Variants in EBF4 observed in about 807,000 individuals in gnomAD.
EBF4 encodes transcription factor COE4.
A neutral mutation model predicts 67.1 loss-of-function variants in EBF4; 34 were observed. That is an observed-to-expected ratio of 0.51 (90% confidence interval 0.39 to 0.67). The LOEUF is 0.67. EBF4 is among the 30% of genes least tolerant of loss of function. The pLI is 0.00. For missense variants in EBF4, 837 were observed against 873.3 expected (o/e 0.96, Z 0.52); for synonymous variants, 387 against 377.7 (o/e 1.02, Z -0.29).
chr20:2,694,199 G>A (rs1260665713), intron 1 of EBF4, among the ~76,000 whole-genome samples: 1 of 152,224 alleles, frequency 6.6e-6, no homozygotes, highest in Non-Finnish European at 1.5e-5. Context: ...GGAAAGGCAC[G>A]AAACCCAGCC....
At chr20:2,695,360 A>G (rs1397932546) in intron 1 of EBF4, among the ~76,000 whole-genome samples, 2 of 152,134 alleles carry the variant, frequency 1.3e-5, no homozygotes, top group African/African-American at 4.8e-5. Flanking sequence ...CGTGGGGTTC[A>G]AGAAGTGTGG....
Position 2,709,605 on chromosome 20 carries a change from C to G in EBF4, c.520C>G (p.Arg174Gly). ...CTGTGACCGGAAGAGCTGTGGCAACCGGAATGAGACGCCCTCAGACCCCGT... is the reference window on the plus strand; with the variant it reads ...CTGTGACCGGAAGAGCTGTGGCAACGGGAATGAGACGCCCTCAGACCCCGT... The change falls in exon 6 of 17, where the codon CGG becomes GGG. Residue 174 changes from arginine to glycine, a missense_variant. By Grantham distance (125) the Arg-to-Gly change is moderately radical. Coordinates refer to ENST00000609451, the Ensembl canonical transcript of EBF4. 6.4e-7 allele frequency: 1 copy of G among 1,557,108 alleles called. No homozygotes were observed. The highest frequency in any genetic ancestry group is 1.2e-5 in the South Asian group (1 of 84,672).
At chr20:2,701,348 C>T (rs778508972) in intron 1 of EBF4, among the ~76,000 whole-genome samples, 1 of 152,218 alleles carries the variant, frequency 6.6e-6, no homozygotes, top group Non-Finnish European at 1.5e-5. Context: ...CCAGAGACCC[C>T]AGGGGAACCT....
At chr20:2,757,768 A>G (rs2088267387) in intron 15 of EBF4, among the ~76,000 whole-genome samples, 1 of 152,174 alleles carries the variant, frequency 6.6e-6, no homozygotes, top group Admixed American at 6.6e-5. Context: ...GCAAGATGGC[A>G]AAACCTCGTC....
intron 6 of EBF4, among the ~76,000 whole-genome samples, chr20:2,730,541 C>T (rs1448587067): frequency 6.6e-6 from 1 of 152,208 alleles, no homozygotes; most frequent in Non-Finnish European, 1.5e-5. Context: ...GGCCACCATT[C>T]AACTCACTAC....
intron 6 of EBF4, among the ~76,000 whole-genome samples, chr20:2,714,849 T>A (rs1181250658): frequency 6.6e-6 from 1 of 152,194 alleles, no homozygotes; most frequent in Non-Finnish European, 1.5e-5. Context: ...CCTTTATCAC[T>A]CCAATATTAT....
exon 13 of EBF4, chr20:2,752,181 A>G: frequency 1.4e-6 from 2 of 1,433,062 alleles, no homozygotes; most frequent in Non-Finnish European, 9.1e-7. Context: ...CGAGCCACCC[A>G]CACCCCGCCG....
intron 1 of EBF4, among the ~76,000 whole-genome samples, chr20:2,703,237 A>G (rs1030599994): frequency 2.0e-4 from 29 of 146,024 alleles, no homozygotes; most frequent in Admixed American, 1.7e-3. Flanking sequence ...AGCCTGGACA[A>G]CAGAGCAAGA....
chr20:2,708,166 A>G lies in EBF4; in HGVS notation c.488+146A>G. On this transcript the variant is annotated intron_variant, in intron 5 of 16. Coordinates refer to ENST00000609451, the Ensembl canonical transcript of EBF4. ...AAGCCTGGTGGCAGGTGATGAAGGG[A>G]GTGGTGAGGCCCCTGGGCACAGCGC... The G allele has an allele frequency of 3.7e-6, 3 of 820,384 alleles. No homozygotes were observed. In the East Asian group the frequency reaches 8.6e-5, roughly 24 times the overall value. 50.8% of individuals were successfully genotyped at this position (820,384 alleles called of 1,614,324 possible).
At chr20:2,695,829 G>A (rs745948074) in intron 1 of EBF4, among the ~76,000 whole-genome samples, 3 of 151,934 alleles carry the variant, frequency 2.0e-5, no homozygotes, top group East Asian at 1.9e-4. Flanking sequence ...AAACTTTCAC[G>A]GAAGTGCTCT....
chr20:2,707,213 T>C lies in EBF4; in HGVS notation c.415-734T>C, dbSNP rs1370325558. Reference sequence around the variant, plus strand: ...TGGGGGAGGCAGGCCAGGCAGTGCCTAGTGGAACTGTCAAGGGGACGGGTG... The same window carrying C: ...TGGGGGAGGCAGGCCAGGCAGTGCCCAGTGGAACTGTCAAGGGGACGGGTG... On this transcript the variant is annotated intron_variant, in intron 4 of 16. Coordinates refer to ENST00000609451, the Ensembl canonical transcript of EBF4. This position sits in a 1 kb window ranked among gnomAD's most constrained non-coding sequence, Gnocchi z 4.6. Among the ~76,000 whole-genome samples the C allele has an allele frequency of 6.6e-6, 1 of 151,908 alleles. No individual in the cohort carries two copies. The highest frequency in any genetic ancestry group is 2.4e-5 in the African/African-American group (1 of 41,324).
chr20:2,707,826 T>A lies in EBF4; in HGVS notation c.415-121T>A, dbSNP rs2087479961. On this transcript the variant is annotated intron_variant, in intron 4 of 16. Transcript: ENST00000609451. The surrounding 1 kb of genome is among the most constrained non-coding windows in gnomAD (Gnocchi z 4.6). Reference sequence around the variant, plus strand: ...GCCCAGAGCAAGGCAGAGGGCGTGCTCTTCCCTGGGGCAGGGTCTCCCTGG... The same window carrying A: ...GCCCAGAGCAAGGCAGAGGGCGTGCACTTCCCTGGGGCAGGGTCTCCCTGG... The A allele has an allele frequency of 1.0e-6, 1 of 990,924 alleles. No individual in the cohort carries two copies. The highest frequency in any genetic ancestry group is 1.4e-6 in the Non-Finnish European group (1 of 695,268). 61.4% of individuals were successfully genotyped at this position (990,924 alleles called of 1,614,324 possible). A position where few individuals can be genotyped will look rare whatever the true frequency, so the allele number is the denominator to read the frequency against.
At chr20:2,706,184 A>G (rs376796954) in intron 3 of EBF4, 25 bp from the exon 4 acceptor site, 3 of 1,552,064 alleles carry the variant, frequency 1.9e-6, no homozygotes, top group South Asian at 1.2e-5. Flanking sequence ...CCCAGCAGCA[A>G]GCCCTCTCCA....
Position 2,717,841 on chromosome 20 carries a change from C to T in EBF4, c.557+8199C>T, listed in dbSNP as rs371735529. On this transcript the variant is annotated intron_variant, in intron 6 of 16. Coordinates refer to ENST00000609451, the Ensembl canonical transcript of EBF4. ...TTTTTTTTTTTTTGAGACAGAGTCT[C>T]GCTCTGTCGCTCAGGCTGGAGTGCA... Among the ~76,000 whole-genome samples, 227 of 148,982 alleles carry T rather than the reference C, an allele frequency of 1.5e-3. 1 individual carries two copies. The highest frequency in any genetic ancestry group is 5.4e-3 in the African/African-American group (217 of 40,022).
rs2088063630 is a variant in EBF4, at chr20:2,747,287, ACT to A, written c.558-1259_558-1258del. Among the ~76,000 whole-genome samples the A allele has an allele frequency of 6.7e-6, 1 of 148,294 alleles. No individual in the cohort carries two copies. Among genetic ancestry groups the A allele is most frequent in the African/African-American group, 2.5e-5 (1 of 39,748 alleles). The stretch of plus-strand genomic sequence containing the variant: ...TGGCGAGCCTGGGCAACAGAGCAAG[ACT>A]CTGTCTCAAAACAAAAAACAAAACA... On this transcript the variant is annotated intron_variant, in intron 6 of 16. Transcript: ENST00000609451. The surrounding 1 kb of genome is among the most constrained non-coding windows in gnomAD (Gnocchi z 4.6).
chr20:2,749,567 C>G, intron 8 of EBF4, 49 bp downstream of exon 8: 2 of 1,542,138 alleles, frequency 1.3e-6, no homozygotes, highest in Non-Finnish European at 1.8e-6. Flanking sequence ...AGCCAGCCCC[C>G]CAGGCCCCAC....
intron 2 of EBF4, 52 bp downstream of exon 2, chr20:2,705,785 CCA>C (rs71193988): frequency 0.098 from 72,367 of 738,318 alleles, 813 homozygotes; most frequent in Admixed American, 0.13. Flanking sequence ...GAACCCCCAA[CCA>C]CACACACACA....
intron 6 of EBF4, among the ~76,000 whole-genome samples, chr20:2,724,410 CT>C (rs1447427083): frequency 1.3e-5 from 2 of 152,040 alleles, no homozygotes; most frequent in Non-Finnish European, 2.9e-5. Flanking sequence ...CATTTTGCAG[CT>C]TTTTGGAGGG....
chr20:2,715,341 T>C (rs896164187), intron 6 of EBF4, among the ~76,000 whole-genome samples: 2 of 152,238 alleles, frequency 1.3e-5, no homozygotes, highest in Non-Finnish European at 2.9e-5. Flanking sequence ...TTTATCTATC[T>C]TGTTGTATTT....
Sources: allele counts gnomAD v4.1 joint callset (sites outside exome capture counted in the v4.1 genomes callset), GRCh38; gene constraint gnomAD v4.1.1; non-coding constraint Gnocchi (gnomAD v3.1); transcripts MANE v1.5; gene names NCBI Gene and HGNC (gene_info 2026-07-23, HGNC 2026-07-21).